The following EXOC6B variants were observed in gnomAD, a reference collection of about 807,000 sequenced individuals.
The protein encoded by EXOC6B is exocyst complex component 6B.
In EXOC6B, 54 loss-of-function variants were observed where a neutral mutation model predicts 113.5. The ratio of observed to expected loss-of-function variants is 0.48; its 90% CI spans 0.38 to 0.60. EXOC6B has a LOEUF of 0.60. EXOC6B is among the 20% of genes least tolerant of loss of function. EXOC6B has a pLI of 0.00. For synonymous variants in EXOC6B, 357 were observed against 339.0 expected (o/e 1.05, Z -0.58); for missense variants, 797 against 977.5 (o/e 0.82, Z 2.46).
chr2:72,552,324 T>C (rs959340831), intron 8 of EXOC6B, among the ~76,000 whole-genome samples: 2 of 152,098 alleles, frequency 1.3e-5, no homozygotes, highest in African/African-American at 4.8e-5. Flanking sequence ...TATCCAAACA[T>C]ACGATTGAAG....
intron 20 of EXOC6B, among the ~76,000 whole-genome samples, chr2:72,310,850 AACACACACACACACACACAC>A (rs375159478): frequency 8.3e-6 from 1 of 120,290 alleles, no homozygotes; most frequent in Non-Finnish European, 1.7e-5. Context: ...TATTTCATTT[AACACACACACACACACACAC>A]ACACACACAC....
intron 20 of EXOC6B, among the ~76,000 whole-genome samples, chr2:72,329,077 A>G (rs1204382229): frequency 6.6e-6 from 1 of 152,092 alleles, no homozygotes; most frequent in Non-Finnish European, 1.5e-5. Context: ...TGGTCCGTAC[A>G]CTTCCCAACT....
At chr2:72,206,693 A>C (rs1183583105) in intron 20 of EXOC6B, among the ~76,000 whole-genome samples, 1 of 152,188 alleles carries the variant, frequency 6.6e-6, no homozygotes, top group African/African-American at 2.4e-5. Flanking sequence ...TAAACTCCAC[A>C]GAGACTAACA....
At chr2:72,646,495 C>T (rs531539259) in intron 6 of EXOC6B, among the ~76,000 whole-genome samples, 4 of 152,070 alleles carry the variant, frequency 2.6e-5, no homozygotes, top group East Asian at 1.9e-4. Context: ...AGAGACACAA[C>T]AAAAAAAGAG....
At chr2:72,206,168 G>C (rs895537831) in intron 20 of EXOC6B, among the ~76,000 whole-genome samples, 1 of 152,178 alleles carries the variant, frequency 6.6e-6, no homozygotes, top group African/African-American at 2.4e-5. Context: ...CTATTTTACC[G>C]ATAAGGTAAT....
intron 3 of EXOC6B, 132 bp downstream of exon 3, chr2:72,732,939 G>A: frequency 1.4e-6 from 1 of 721,690 alleles, no homozygotes. Flanking sequence ...TAAACATTAG[G>A]AAAAGCAACA....
At chr2:72,608,690 TC>T (rs1254783893) in intron 6 of EXOC6B, among the ~76,000 whole-genome samples, 2 of 152,102 alleles carry the variant, frequency 1.3e-5, no homozygotes, top group African/African-American at 4.8e-5. Flanking sequence ...AAAAGGAGTT[TC>T]AACACCAGTT....
intron 20 of EXOC6B, among the ~76,000 whole-genome samples, chr2:72,245,099 C>T (rs1041421487): frequency 1.6e-4 from 24 of 152,004 alleles, no homozygotes; most frequent in African/African-American, 5.8e-4. Context: ...CAATAAAATC[C>T]CAGCAAGTTA....
In EXOC6B at chr2:72,496,948, CATTATTATTATTATTATTATT is replaced by C. The variant is rs57708306; in HGVS notation, c.1338-410_1338-390del. Among the ~76,000 whole-genome samples the C allele has an allele frequency of 1.1e-3, 157 of 137,836 alleles. 1 individual carries two copies. The highest frequency in any genetic ancestry group is 1.6e-3 in the Non-Finnish European group (106 of 64,692). The allele number at this position is 137,836 out of a possible 152,430, so 90.4% of individuals were successfully genotyped here. On this transcript the variant is annotated intron_variant, in intron 13 of 21. Transcript: ENST00000272427. ...TGGTTTAATATGATATATAAATGTA[CATTATTATTATTATTATTATT>C]ATTATTATTATTATTATTATTAGAG...
chr2:72,549,642 T>C (rs1421963202), intron 8 of EXOC6B, among the ~76,000 whole-genome samples: 1 of 152,190 alleles, frequency 6.6e-6, no homozygotes, highest in Admixed American at 6.5e-5. Context: ...CGAAAGGTTC[T>C]GTTCACTAGG....
intron 1 of EXOC6B, among the ~76,000 whole-genome samples, chr2:72,810,384 T>TAAATAAAA (rs1205730753): frequency 1.6e-5 from 2 of 127,746 alleles, no homozygotes; most frequent in African/African-American, 5.6e-5. Context: ...AATAAATAAA[T>TAAATAAAA]AAAATACAGT....
chr2:72,428,724 C>A (rs1053016796), intron 18 of EXOC6B, among the ~76,000 whole-genome samples: 1 of 152,172 alleles, frequency 6.6e-6, no homozygotes, highest in African/African-American at 2.4e-5. Flanking sequence ...AAAAGCAACA[C>A]CCCAAAGATC....
intron 8 of EXOC6B, among the ~76,000 whole-genome samples, chr2:72,545,329 T>C (rs530917769): frequency 8.3e-4 from 127 of 152,254 alleles, no homozygotes; most frequent in Non-Finnish European, 1.4e-3. Flanking sequence ...CCAAAAATGT[T>C]TGACTACATT....
chr2:72,427,818 C>A lies in EXOC6B; in HGVS notation c.1980+37342G>T, dbSNP rs143814055. ...GCAGTCCCACAGACCAGAGTGGGAA[C>A]TTGCAGTGCCTTTTCCAGTCCTGCC... On this transcript the variant is annotated intron_variant, in intron 18 of 21. Transcript: ENST00000272427. Among the ~76,000 whole-genome samples, 756 of 152,282 alleles carry A rather than the reference C, an allele frequency of 5.0e-3. 11 individuals are homozygous for A. Among genetic ancestry groups the A allele is most frequent in the African/African-American group, 0.017 (701 of 41,572 alleles).
At chr2:72,406,874 A>G (rs1349425486) in intron 18 of EXOC6B, among the ~76,000 whole-genome samples, 1 of 152,214 alleles carries the variant, frequency 6.6e-6, no homozygotes, top group East Asian at 1.9e-4. Flanking sequence ...TGAAGGAATC[A>G]GAGACACAAA....
chr2:72,583,675 T>G (rs374184360), intron 6 of EXOC6B, among the ~76,000 whole-genome samples: 3 of 152,144 alleles, frequency 2.0e-5, no homozygotes, highest in African/African-American at 7.2e-5. Flanking sequence ...TTGTTACCAC[T>G]AGGCCTACCT....
intron 6 of EXOC6B, among the ~76,000 whole-genome samples, chr2:72,631,211 T>A (rs765250468): frequency 6.6e-6 from 1 of 151,736 alleles, no homozygotes; most frequent in Non-Finnish European, 1.5e-5. Context: ...TATATGCATA[T>A]GTGTATATAT....
Position 72,494,975 on chromosome 2 carries a change from T to C in EXOC6B, c.1553+455A>G, listed in dbSNP as rs577922631. Among the ~76,000 whole-genome samples the C allele has an allele frequency of 3.9e-5, 6 of 152,280 alleles. No homozygotes were observed. In the South Asian group the frequency reaches 1.2e-3, roughly 32 times the overall value. On this transcript the variant is annotated intron_variant, in intron 15 of 21. Coordinates refer to ENST00000272427, the MANE Select transcript of EXOC6B (RefSeq NM_015189.3). ...AAGGATTTTATCTGATACTCCCCTT[T>C]TGGCCTTAACATTTCATTAAGTAGA...
rs1427462129 is a variant in EXOC6B at position 72,807,763 on chromosome 2, T to C, written c.113+18035A>G. Among the ~76,000 whole-genome samples the C allele has an allele frequency of 2.0e-5, 3 of 151,486 alleles. No individual in the cohort carries two copies. In the East Asian group the frequency reaches 5.8e-4, roughly 29 times the overall value. ...GTCAAAACGATTGAACTAATGCAGA[T>C]AGAGAGTAGAAGGTTGGTTACCAGA... is the stretch of plus-strand genomic sequence containing the variant. On this transcript the variant is annotated intron_variant, in intron 1 of 21. Transcript: ENST00000272427.
Sources: allele counts gnomAD v4.1 joint callset (sites outside exome capture counted in the v4.1 genomes callset), GRCh38; gene constraint gnomAD v4.1.1; transcripts MANE v1.5; gene names NCBI Gene and HGNC (gene_info 2026-07-23, HGNC 2026-07-21).